CSMD1: variants seen among roughly 807,000 people sequenced by gnomAD.
The protein encoded by CSMD1 is CUB and sushi domain-containing protein 1.
In CSMD1, 213 loss-of-function variants were observed where a neutral mutation model predicts 417.5. The observed-to-expected ratio is 0.51, with a 90% CI of 0.46 to 0.57. CSMD1 has a LOEUF of 0.57. Among genes scored for constraint, CSMD1 ranks in the 20% least tolerant of loss-of-function variants. The pLI is 0.00. For synonymous variants in CSMD1, 2,862 were observed against 1,736.8 expected, an observed-to-expected ratio of 1.65 and a Z score of -16.11; for missense variants, 6,923 against 4,529.7, an observed-to-expected ratio of 1.53 and a Z score of -15.17.
intron 1 of CSMD1, among the ~76,000 whole-genome samples, chr8:4,856,849 C>A (rs1430274649): frequency 6.6e-6 from 1 of 152,000 alleles, no homozygotes; most frequent in Non-Finnish European, 1.5e-5. Flanking sequence ...CAACATTACA[C>A]AGATCAACGA....
At chr8:3,358,487 T>TA (rs1808944085) in intron 21 of CSMD1, among the ~76,000 whole-genome samples, 1 of 152,160 alleles carries the variant, frequency 6.6e-6, no homozygotes, top group African/African-American at 2.4e-5. Flanking sequence ...CTTCTTAGAG[T>TA]GGCACAGTTC....
intron 12 of CSMD1, among the ~76,000 whole-genome samples, chr8:3,446,773 C>G (rs1307066692): frequency 6.6e-6 from 1 of 152,160 alleles, no homozygotes; most frequent in Admixed American, 6.5e-5. Flanking sequence ...GGAATCCTGA[C>G]GTCGATGAAA....
intron 20 of CSMD1, among the ~76,000 whole-genome samples, chr8:3,361,472 A>G (rs1401473532): frequency 6.6e-6 from 1 of 151,644 alleles, no homozygotes; most frequent in Non-Finnish European, 1.5e-5. Context: ...ACTAAAAATA[A>G]AATAAAATAA....
chr8:3,036,950 G>C (rs1810719910), intron 50 of CSMD1, among the ~76,000 whole-genome samples: 1 of 152,124 alleles, frequency 6.6e-6, no homozygotes, highest in Non-Finnish European at 1.5e-5. Context: ...CCAATATGTA[G>C]TCTTTTATCC....
chr8:3,645,832 A>T (rs1328261736), intron 7 of CSMD1, among the ~76,000 whole-genome samples: 2 of 152,242 alleles, frequency 1.3e-5, no homozygotes, highest in African/African-American at 4.8e-5. Flanking sequence ...GGGCTACAAG[A>T]AGAATCACTC....
chr8:4,582,274 T>A (rs1442954171), intron 2 of CSMD1, among the ~76,000 whole-genome samples: 1 of 152,190 alleles, frequency 6.6e-6, no homozygotes, highest in Non-Finnish European at 1.5e-5. Context: ...CCGGACATGA[T>A]CTTCCGGCTA....
intron 37 of CSMD1, among the ~76,000 whole-genome samples, chr8:3,179,298 C>G (rs535233594): frequency 6.6e-6 from 1 of 152,018 alleles, no homozygotes; most frequent in Non-Finnish European, 1.5e-5. Context: ...GAAATGAGTT[C>G]CTCTTAATAA....
chr8:3,758,038 G>A (rs10101439), intron 5 of CSMD1, among the ~76,000 whole-genome samples: 111,567 of 151,866 alleles, frequency 0.73, 41,034 homozygotes, highest in South Asian at 0.83. Flanking sequence ...ATCTCAGCTC[G>A]CTGCAACCTC....
intron 5 of CSMD1, among the ~76,000 whole-genome samples, chr8:3,971,944 G>C (rs993269317): frequency 8.6e-5 from 13 of 152,014 alleles, no homozygotes; most frequent in African/African-American, 2.9e-4. Context: ...GTGTCATTCT[G>C]TTGCCCAGGC....
At chr8:4,719,364 C>A (rs777707711) in intron 1 of CSMD1, among the ~76,000 whole-genome samples, 1 of 152,062 alleles carries the variant, frequency 6.6e-6, no homozygotes, top group African/African-American at 2.4e-5. Context: ...GCGCTTGAGC[C>A]TGCTCATTCT....
At chr8:4,765,530 G>A (rs1045829131) in intron 1 of CSMD1, among the ~76,000 whole-genome samples, 2 of 152,192 alleles carry the variant, frequency 1.3e-5, no homozygotes, top group African/African-American at 4.8e-5. Context: ...GAAATGGAAG[G>A]CAAAGAAAGA....
chr8:4,544,954 AAT>A (rs1797565685), intron 2 of CSMD1, among the ~76,000 whole-genome samples: 2 of 152,240 alleles, frequency 1.3e-5, no homozygotes, highest in African/African-American at 4.8e-5. Flanking sequence ...TTAAAAACAT[AAT>A]ATGTCACTTG....
intron 42 of CSMD1, 32 bp downstream of exon 42, chr8:3,118,367 T>G: frequency 6.6e-7 from 1 of 1,520,866 alleles, no homozygotes; most frequent in South Asian, 1.2e-5. Flanking sequence ...CATGAAACAT[T>G]AAATCGCCCC....
chr8:3,865,434 G>A (rs1042012515), intron 5 of CSMD1, among the ~76,000 whole-genome samples: 6 of 152,114 alleles, frequency 3.9e-5, no homozygotes, highest in African/African-American at 1.2e-4. Context: ...GAGACTGTGA[G>A]GGCTCAGAGG....
chr8:4,313,353 C>CCT (rs140708990), intron 3 of CSMD1, among the ~76,000 whole-genome samples: 40,165 of 151,656 alleles, frequency 0.26, 6,040 homozygotes, highest in African/African-American at 0.42. Context: ...GGGTAGCAGA[C>CCT]CATCATTGTC....
intron 1 of CSMD1, among the ~76,000 whole-genome samples, chr8:4,793,879 A>C (rs1208676318): frequency 6.6e-6 from 1 of 151,962 alleles, no homozygotes; most frequent in Non-Finnish European, 1.5e-5. Flanking sequence ...GTTTGTTAAT[A>C]AGAATGATCA....
chr8:3,931,617 G>C lies in CSMD1; in HGVS notation c.818+66286C>G, dbSNP rs778647702. On this transcript the variant is annotated intron_variant, in intron 5 of 69. Coordinates refer to ENST00000635120, the MANE Select transcript of CSMD1 (RefSeq NM_033225.6). ...CCTCAAATCATTGCGCCAAGAGTTA[G>C]AGACAGAGAAAAGTGCCTCAGGATG... 1.0e-4 allele frequency among the ~76,000 whole-genome samples: 15 copies of C among 149,778 alleles called. 1 individual carries two copies. Among genetic ancestry groups the C allele is most frequent in the Non-Finnish European group, 1.5e-5 (1 of 67,440 alleles).
chr8:4,934,517 G>A (rs1210137253), intron 1 of CSMD1, among the ~76,000 whole-genome samples: 1 of 152,132 alleles, frequency 6.6e-6, no homozygotes, highest in African/African-American at 2.4e-5. Context: ...AGCTTCCGGG[G>A]CTTTGAGCTG....
intron 4 of CSMD1, among the ~76,000 whole-genome samples, chr8:4,018,116 C>G (rs1481404663): frequency 2.6e-5 from 4 of 152,098 alleles, no homozygotes; most frequent in Non-Finnish European, 5.9e-5. Flanking sequence ...ATAAAGTATC[C>G]TACAAAGTGT....
Sources: gnomAD v4.1 joint callset for allele counts (sites outside exome capture counted in the v4.1 genomes callset) on GRCh38, gnomAD v4.1.1 for gene constraint, MANE v1.5 for transcripts, NCBI Gene and HGNC (gene_info 2026-07-23, HGNC 2026-07-21) for gene names.